The following SUCLG2 variants were observed in gnomAD, a reference collection of about 807,000 sequenced individuals.
SUCLG2 encodes succinate-CoA ligase GDP-forming subunit beta, also known as succinate--CoA ligase [GDP-forming] subunit beta, mitochondrial.
SUCLG2 carries 42 observed loss-of-function variants against 47.9 expected under a neutral mutation model. The observed-to-expected ratio is 0.88, with a 90% CI of 0.69 to 1.14. The LOEUF is 1.14. Among genes scored for constraint, SUCLG2 ranks in the 50% most tolerant of loss-of-function variants. The pLI is 0.00. For synonymous variants in SUCLG2, 195 were observed against 197.3 expected (o/e 0.99, Z 0.10); for missense variants, 571 against 525.9 (o/e 1.09, Z -0.84).
intron 7 of SUCLG2, among the ~76,000 whole-genome samples, chr3:67,499,101 A>G (rs1315786670): frequency 6.6e-6 from 1 of 152,228 alleles, no homozygotes. Flanking sequence ...AGCATACAAC[A>G]TCATGTTTTG....
intron 1 of SUCLG2, among the ~76,000 whole-genome samples, chr3:67,627,624 G>T (rs1335572377): frequency 6.6e-6 from 1 of 152,176 alleles, no homozygotes; most frequent in Admixed American, 6.5e-5. Context: ...CTTCCTATTA[G>T]GGTCTGCCCA....
chr3:67,584,999 T>C (rs1388237601), intron 2 of SUCLG2, among the ~76,000 whole-genome samples: 1 of 152,140 alleles, frequency 6.6e-6, no homozygotes, highest in Non-Finnish European at 1.5e-5. Context: ...CCAAACCATA[T>C]CCTATGGATA....
chr3:67,443,744 C>T (rs367620599), intron 9 of SUCLG2, among the ~76,000 whole-genome samples: 5,888 of 64,890 alleles, frequency 0.091, 52 homozygotes, highest in East Asian at 0.28. Flanking sequence ...CCGGCCGAGA[C>T]CCCGTCTGGG....
Position 67,592,740 on chromosome 3 carries a change from C to CA in SUCLG2, c.226+16714dup, listed in dbSNP as rs1187452813. Among the ~76,000 whole-genome samples the CA allele has an allele frequency of 3.0e-3, 156 of 51,866 alleles. 3 individuals carry two copies. The highest frequency in any genetic ancestry group is 0.022 in the South Asian group (39 of 1,766). 34.0% of individuals were successfully genotyped at this position (51,866 alleles called of 152,430 possible). A position where few individuals can be genotyped will look rare whatever the true frequency, so the allele number is the denominator to read the frequency against. ...CTCCAAAAAAAAAAAAAAAAAACAA[C>CA]AAAAAAAAACTGAATATCAAAGCCA... On this transcript the variant is annotated intron_variant, in intron 2 of 10. Transcript: ENST00000307227.
intron 9 of SUCLG2, among the ~76,000 whole-genome samples, chr3:67,456,311 A>G (rs1704184905): frequency 6.6e-6 from 1 of 152,250 alleles, no homozygotes; most frequent in Admixed American, 6.5e-5. Flanking sequence ...TGCAAGGGCT[A>G]TAACATAGGC....
chr3:67,527,559 G>A (rs944904855), intron 4 of SUCLG2, among the ~76,000 whole-genome samples: 5 of 152,146 alleles, frequency 3.3e-5, no homozygotes, highest in African/African-American at 1.2e-4. Flanking sequence ...TCATGACTGA[G>A]GCAGGCCACT....
chr3:67,450,305 T>C (rs1298368770), intron 9 of SUCLG2, among the ~76,000 whole-genome samples: 1 of 152,162 alleles, frequency 6.6e-6, no homozygotes, highest in Non-Finnish European at 1.5e-5. Flanking sequence ...GCCTCCTGAG[T>C]GGCTGAAATT....
At position 67,375,740 on chromosome 3, in the gene SUCLG2, G is replaced by C. The variant is rs1702022326; in HGVS notation, c.*4C>G. On this transcript the variant is annotated 3_prime_UTR_variant, in exon 11 of 11. Coordinates refer to ENST00000307227, the MANE Select transcript of SUCLG2 (RefSeq NM_003848.4). ...TCTTTCTCCATTGGATCAGGACAAA[G>C]ACATCACTTCTTGGCCACACTGGCC... The C allele has an allele frequency of 6.2e-7, 1 of 1,611,622 alleles. No individual in the cohort carries two copies. The highest frequency in any genetic ancestry group is 8.5e-7 in the Non-Finnish European group (1 of 1,179,356).
At chr3:67,388,461 A>T (rs1049402047) in intron 10 of SUCLG2, among the ~76,000 whole-genome samples, 3 of 152,204 alleles carry the variant, frequency 2.0e-5, no homozygotes, top group African/African-American at 7.2e-5. Flanking sequence ...ACTAATATTC[A>T]TATGTGTGAT....
At chr3:67,548,879 A>G (rs1706935705) in intron 2 of SUCLG2, among the ~76,000 whole-genome samples, 1 of 152,212 alleles carries the variant, frequency 6.6e-6, no homozygotes, top group Non-Finnish European at 1.5e-5. Flanking sequence ...GACTATCCAA[A>G]GGCGTATAAA....
At chr3:67,473,845 C>T (rs1223476347) in intron 9 of SUCLG2, among the ~76,000 whole-genome samples, 1 of 152,198 alleles carries the variant, frequency 6.6e-6, no homozygotes, top group African/African-American at 2.4e-5. Flanking sequence ...ACATCACCTC[C>T]CAACTTCTCT....
Position 67,512,491 on chromosome 3 carries a change from G to A in SUCLG2, c.661-3588C>T, listed in dbSNP as rs992660344. 2.7e-5 allele frequency among the ~76,000 whole-genome samples: 4 copies of A among 150,756 alleles called. No individual in the cohort carries two copies. In the East Asian group the frequency reaches 7.7e-4, roughly 29 times the overall value. On this transcript the variant is annotated intron_variant, in intron 6 of 10. Transcript: ENST00000307227. ...TACAACCTCTGCAGAGTCAACACTC[G>A]ATAAATATCGGTTGAATTAAAGATT...
chr3:67,373,738 C>T (rs1237182953), downstream of SUCLG2, among the ~76,000 whole-genome samples: 1 of 152,032 alleles, frequency 6.6e-6, no homozygotes, highest in African/African-American at 2.4e-5. Flanking sequence ...CGTTTATTTG[C>T]TCATTTATTT....
At chr3:67,414,584 T>A (rs1230119702) in intron 9 of SUCLG2, among the ~76,000 whole-genome samples, 2 of 152,232 alleles carry the variant, frequency 1.3e-5, no homozygotes, top group African/African-American at 4.8e-5. Context: ...TCTATCCAAT[T>A]GTTGCCATGC....
intron 1 of SUCLG2, among the ~76,000 whole-genome samples, chr3:67,641,287 T>G (rs1222909240): frequency 6.6e-6 from 1 of 152,158 alleles, no homozygotes; most frequent in Non-Finnish European, 1.5e-5. Flanking sequence ...AATGTTTTAG[T>G]TGGAAAACAA....
chr3:67,413,022 C>T (rs1170655993), intron 9 of SUCLG2, among the ~76,000 whole-genome samples: 1 of 152,154 alleles, frequency 6.6e-6, no homozygotes, highest in South Asian at 2.1e-4. Context: ...AATAAAGCTG[C>T]ACATTCTCAG....
chr3:67,629,338 T>C (rs983019985), intron 1 of SUCLG2, among the ~76,000 whole-genome samples: 1 of 152,166 alleles, frequency 6.6e-6, no homozygotes, highest in Non-Finnish European at 1.5e-5. Context: ...GCAAACAGGG[T>C]GGCAGGCCAC....
chr3:67,615,252 G>GGA (rs1553670580), intron 1 of SUCLG2, among the ~76,000 whole-genome samples: 78 of 147,026 alleles, frequency 5.3e-4, no homozygotes, highest in Non-Finnish European at 9.7e-4. Flanking sequence ...CAGCTACACA[G>GGA]AAAAAAAAAA....
chr3:67,626,593 T>C (rs1700833663), intron 1 of SUCLG2, among the ~76,000 whole-genome samples: 1 of 151,982 alleles, frequency 6.6e-6, no homozygotes, highest in Admixed American at 6.6e-5. Flanking sequence ...GAGAAAAAGT[T>C]GAAGGAGGAC....
Sources: gnomAD v4.1 joint callset for allele counts (sites outside exome capture counted in the v4.1 genomes callset) on GRCh38, gnomAD v4.1.1 for gene constraint, MANE v1.5 for transcripts, NCBI Gene and HGNC (gene_info 2026-07-23, HGNC 2026-07-21) for gene names.